The following RAPH1 variants were observed in gnomAD, a reference collection of about 807,000 sequenced individuals.
The protein encoded by RAPH1 is ras-associated and pleckstrin homology domains-containing protein 1.
Under a neutral mutation model 88.1 loss-of-function variants are expected in RAPH1, and 18 were observed. The observed-to-expected ratio is 0.20, with a 90% CI of 0.14 to 0.30. The LOEUF is 0.30. Ranked by LOEUF, RAPH1 falls within the 10% of genes least tolerant of loss-of-function variation. RAPH1 has a pLI of 1.00. For synonymous variants in RAPH1, 587 were observed against 559.0 expected, an observed-to-expected ratio of 1.05 and a Z score of -0.71; for missense variants, 1,448 against 1,543.2, an observed-to-expected ratio of 0.94 and a Z score of 1.03.
chr2:203,510,915 AAG>A (rs1477712491), intron 1 of RAPH1, among the ~76,000 whole-genome samples: 5 of 152,154 alleles, frequency 3.3e-5, no homozygotes, highest in Non-Finnish European at 7.3e-5. Flanking sequence ...AATTTAAAAA[AAG>A]AGTAAATATT....
intron 13 of RAPH1, chr2:203,441,852 G>T: frequency 7.5e-7 from 1 of 1,338,650 alleles, no homozygotes; most frequent in Non-Finnish European, 9.6e-7. Flanking sequence ...TCCACATCAA[G>T]CAGATGCTAT....
At chr2:203,526,048 C>A (rs1690100603) in intron 1 of RAPH1, among the ~76,000 whole-genome samples, 1 of 152,072 alleles carries the variant, frequency 6.6e-6, no homozygotes. Flanking sequence ...AAATGCTACT[C>A]AATTACTAAG....
intron 1 of RAPH1, among the ~76,000 whole-genome samples, chr2:203,514,711 C>T (rs1581395831): frequency 1.3e-5 from 2 of 152,106 alleles, no homozygotes; most frequent in Non-Finnish European, 2.9e-5. Context: ...CCCACCACCA[C>T]GTGCAGCTAA....
rs773174055 is a variant in RAPH1 at position 203,447,942 on chromosome 2, G to C, written c.1633+17C>G. 3 of 1,613,452 alleles carry C rather than the reference G, an allele frequency of 1.9e-6. No homozygotes were observed. In the South Asian group the frequency reaches 3.3e-5, roughly 18 times the overall value. On this transcript the variant is annotated intron_variant, in intron 12 of 13. Coordinates refer to ENST00000319170, the MANE Select transcript of RAPH1 (RefSeq NM_213589.3). ...CATATTAATCGCAAAATAGTGCTTT[G>C]AAGCATTTTGAACTACCTGGGATGC...
chr2:203,523,782 G>A (rs541716923), intron 1 of RAPH1, among the ~76,000 whole-genome samples: 5 of 152,148 alleles, frequency 3.3e-5, no homozygotes, highest in Non-Finnish European at 5.9e-5. Context: ...CGAGGCAGGT[G>A]GATCACCAGG....
Position 203,440,821 on chromosome 2 carries a change from C to G in RAPH1, c.2369G>C (p.Ser790Thr). The part of the protein sequence containing the change: ...KPLVTIPAPT[S>T]TKTVAPVVTQ... ...CACAACAGGTGCCACAGTCTTGGTG[C>G]TGGTTGGTGCGGGGATGGTCACAAG... The change falls in exon 14 of 14, where the codon AGC becomes ACC. Residue 790 changes from serine to threonine, a missense_variant. Around this residue, in one of 2 missense-constraint regions of RAPH1, gnomAD observed 935 missense variants for 890.1 expected, o/e 1.05. Transcript: ENST00000319170. 3 of 1,326,880 alleles carry G rather than the reference C, an allele frequency of 2.3e-6. No homozygotes were observed. The highest frequency in any genetic ancestry group is 3.0e-6 in the Non-Finnish European group (3 of 1,007,168). 82.2% of individuals were successfully genotyped at this position (1,326,880 alleles called of 1,614,324 possible). A position where few individuals can be genotyped will look rare whatever the true frequency, so the allele number is the denominator to read the frequency against.
intron 1 of RAPH1, among the ~76,000 whole-genome samples, chr2:203,517,683 T>C (rs1162633189): frequency 1.3e-5 from 2 of 152,060 alleles, no homozygotes; most frequent in South Asian, 4.1e-4. Context: ...CAGAGCACAA[T>C]GTAACTAAAC....
chr2:203,505,579 C>G (rs1688952378), intron 1 of RAPH1, among the ~76,000 whole-genome samples: 1 of 152,154 alleles, frequency 6.6e-6, no homozygotes, highest in African/African-American at 2.4e-5. Flanking sequence ...AAAGAAACCC[C>G]TAACATCCCT....
At chr2:203,515,399 C>A (rs1408188886) in intron 1 of RAPH1, among the ~76,000 whole-genome samples, 1 of 152,166 alleles carries the variant, frequency 6.6e-6, no homozygotes, top group Non-Finnish European at 1.5e-5. Context: ...AATGGTCAGG[C>A]AGTGTCAAGT....
At position 203,448,924 on chromosome 2, in the gene RAPH1, G is replaced by A. The variant is rs985944751; in HGVS notation, c.1414-88C>T. The A allele has an allele frequency of 8.9e-6, 7 of 790,514 alleles. No individual in the cohort carries two copies. The highest frequency in any genetic ancestry group is 3.5e-5 in the African/African-American group (2 of 56,362). The allele number at this position is 790,514 out of a possible 1,614,324, so 49.0% of individuals were successfully genotyped here. A position where few individuals can be genotyped will look rare whatever the true frequency, so the allele number is the denominator to read the frequency against. On this transcript the variant is annotated intron_variant, in intron 10 of 13. Coordinates refer to ENST00000319170, the MANE Select transcript of RAPH1 (RefSeq NM_213589.3). The surrounding 1 kb of genome is among the most constrained non-coding windows in gnomAD (Gnocchi z 4.1). Reference sequence around the variant, plus strand: ...TCAAAGCTTAAACATATCCTGACAAGTTATAGGCCATTAGAGTAATGGCCA... The same window carrying A: ...TCAAAGCTTAAACATATCCTGACAAATTATAGGCCATTAGAGTAATGGCCA...
intron 4 of RAPH1, chr2:203,477,283 G>A (rs1186050548): frequency 1.4e-6 from 1 of 702,708 alleles, no homozygotes. Context: ...AAATAGTAAT[G>A]AAAAGTTGCA....
At chr2:203,464,662 G>A (rs1211677683) in intron 4 of RAPH1, among the ~76,000 whole-genome samples, 7 of 151,938 alleles carry the variant, frequency 4.6e-5, no homozygotes. Flanking sequence ...CCTCAAAGCT[G>A]AACATATTTC....
Position 203,440,413 on chromosome 2 carries a change from A to G in RAPH1, c.2777T>C (p.Val926Ala), listed in dbSNP as rs762602530. The G allele has an allele frequency of 4.5e-6, 7 of 1,556,162 alleles. No individual in the cohort carries two copies. The Admixed American group carries it at 1.3e-4, about 30-fold the overall frequency. Residue 926 changes from valine to alanine, a missense_variant, in exon 14 of 14, where the codon GTG (valine) becomes GCG (alanine). Val to Ala is a moderately conservative substitution (Grantham distance 64). Transcript: ENST00000319170. ...AGGTGATGGGGGTGGAGGAGGAAAC[A>G]CCAGGCTGCTTTCAGGAGGGGGAGG... ...FPPPPPESSL[V>A]FPPPPPSPVP...
chr2:203,516,299 T>A (rs895182148), intron 1 of RAPH1, among the ~76,000 whole-genome samples: 1 of 152,050 alleles, frequency 6.6e-6, no homozygotes, highest in African/African-American at 2.4e-5. Context: ...CTGAATCATA[T>A]AAAATGCTCA....
intron 12 of RAPH1, 25 bp from the exon 13 acceptor site, chr2:203,445,035 TAG>T: frequency 6.2e-7 from 1 of 1,607,130 alleles, no homozygotes; most frequent in Non-Finnish European, 8.5e-7. Flanking sequence ...TTTTTAAACA[TAG>T]GTTTAAAAGA....
chr2:203,478,673 G>C (rs1207248222), intron 4 of RAPH1, among the ~76,000 whole-genome samples: 1 of 151,934 alleles, frequency 6.6e-6, no homozygotes, highest in Non-Finnish European at 1.5e-5. Context: ...ACTTTTAGTG[G>C]GGATGGGATG....
At chr2:203,493,526 T>A (rs1489721352) in intron 2 of RAPH1, among the ~76,000 whole-genome samples, 1 of 152,198 alleles carries the variant, frequency 6.6e-6, no homozygotes, top group Non-Finnish European at 1.5e-5. Flanking sequence ...CTAGTGATAA[T>A]CTCTATGCTT....
At chr2:203,506,864 A>ATATATATC (rs1689092207) in intron 1 of RAPH1, among the ~76,000 whole-genome samples, 6 of 30,558 alleles carry the variant, frequency 2.0e-4, no homozygotes, top group Admixed American at 4.1e-4. Flanking sequence ...ATCTATATAT[A>ATATATATC]TATATATATA....
chr2:203,439,630 C>G lies in RAPH1; in HGVS notation c.3560G>C (p.Arg1187Pro), dbSNP rs200703205. 1 of 1,614,010 alleles carries G rather than the reference C, an allele frequency of 6.2e-7. No homozygotes were observed. Among genetic ancestry groups the G allele is most frequent in the East Asian group, 2.2e-5 (1 of 44,870 alleles). ...GGCTGTTGGTTCTGCTCTGGACATGCGGGAGGAGAGTGAGCCGTGCCGAGT... is the reference window on the plus strand; with the variant it reads ...GGCTGTTGGTTCTGCTCTGGACATGGGGGAGGAGAGTGAGCCGTGCCGAGT... ...SITRHGSLSS[R>P]MSRAEPTATM... The change falls in exon 14 of 14, where the codon CGC (arginine) becomes CCC (proline). Residue 1187 changes from arginine to proline, a missense_variant. By Grantham distance (103) the Arg-to-Pro change is moderately radical. This residue lies in a region of RAPH1 where 935 missense variants were observed against 890.1 expected (regional missense o/e 1.05). Transcript: ENST00000319170.
Sources: allele counts gnomAD v4.1 joint callset (sites outside exome capture counted in the v4.1 genomes callset), GRCh38; gene constraint gnomAD v4.1.1; regional missense constraint gnomAD v4.1.1; non-coding constraint Gnocchi (gnomAD v3.1); transcripts MANE v1.5; gene names NCBI Gene and HGNC (gene_info 2026-07-23, HGNC 2026-07-21).